Variants in MAN1B1 observed in about 807,000 individuals in gnomAD.
The protein encoded by MAN1B1 is endoplasmic reticulum mannosyl-oligosaccharide 1,2-alpha-mannosidase.
A neutral mutation model predicts 75.5 loss-of-function variants in MAN1B1; 66 were observed. The observed-to-expected ratio is 0.87, with a 90% CI of 0.72 to 1.07. The LOEUF is 1.07. Among genes scored for constraint, MAN1B1 ranks in the 50% least tolerant of loss-of-function variants. The pLI, the probability that MAN1B1 is intolerant of heterozygous loss-of-function variation, is 0.00. For synonymous variants in MAN1B1, 453 were observed against 382.8 expected (o/e 1.18, Z -2.14); for missense variants, 973 against 912.5 (o/e 1.07, Z -0.85).
chr9:137,087,065 G>T lies in MAN1B1; in HGVS notation c.66G>T (p.Pro22=), dbSNP rs1305785450. Residue 22 remains proline (P), a synonymous_variant, in exon 1 of 13, where the codon CCG becomes CCT. Transcript: ENST00000371589. The stretch of plus-strand genomic sequence containing the variant: ...CCTCTCAGTCGGACTTCCTGACGCC[G>T]CCAGTGGGCGGGGCCCCTTGGGCCG... ...LGSSQSDFLT[P]PVGGAPWAVA... is the part of the protein sequence containing the mutation. 6.2e-7 allele frequency: 1 copy of T among 1,603,654 alleles called. No individual in the cohort carries two copies. Among genetic ancestry groups the T allele is most frequent in the South Asian group, 1.1e-5 (1 of 89,192 alleles).
chr9:137,104,178 C>T (rs2131108449), intron 8 of MAN1B1: 1 of 419,514 alleles, frequency 2.4e-6, no homozygotes, highest in South Asian at 1.7e-5. Context: ...GGTTTTTCTT[C>T]CTGGACCTCA....
intron 6 of MAN1B1, among the ~76,000 whole-genome samples, chr9:137,100,671 G>C (rs1830785043): frequency 6.6e-6 from 1 of 152,146 alleles, no homozygotes; most frequent in South Asian, 2.1e-4. Context: ...CCAGGCTGGA[G>C]TGCAGTGGCA....
rs7467333 is a variant in MAN1B1 at position 137,106,584 on chromosome 9, C to T, written c.1446-105C>T. On this transcript the variant is annotated intron_variant, in intron 9 of 12. Transcript: ENST00000371589. ...GGTGGCACCTTCTGTCCGGCAAGGG[C>T]CAGGCCTGCTGTACTTGTGTGGGCC... The T allele has an allele frequency of 4.8e-4, 749 of 1,568,838 alleles. 15 individuals are homozygous for T. The East Asian group carries it at 0.012, about 25-fold the overall frequency.
intron 8 of MAN1B1, chr9:137,105,920 C>G (rs769633168): frequency 2.5e-5 from 17 of 692,416 alleles, no homozygotes; most frequent in Middle Eastern, 2.3e-4. Context: ...CATTCAGGTG[C>G]GTTGCACTGG....
At chr9:137,102,283 A>T (rs1286887128) in intron 8 of MAN1B1, 73 of 403,598 alleles carry the variant, frequency 1.8e-4, no homozygotes, top group Admixed American at 4.6e-4. Context: ...TGTTACACAC[A>T]TTCACTGTTG....
rs995698810 is a variant in MAN1B1, at chr9:137,088,009, T to A, written c.220-66T>A. ...AGAATTCCTTATTGTCCTCACAGTTTGTGACAGTTGAGACGTTCCGTGTGA... is the reference window on the plus strand; with the variant it reads ...AGAATTCCTTATTGTCCTCACAGTTAGTGACAGTTGAGACGTTCCGTGTGA... On this transcript the variant is annotated intron_variant, in intron 1 of 12. Transcript: ENST00000371589. 7.5e-6 allele frequency: 9 copies of A among 1,204,090 alleles called. No homozygotes were observed. The African/African-American group carries it at 1.3e-4, about 18-fold the overall frequency. The allele number at this position is 1,204,090 out of a possible 1,614,324, so 74.6% of individuals were successfully genotyped here.
At chr9:137,101,374 C>A in intron 7 of MAN1B1, 110 bp from the exon 8 acceptor site, 1 of 1,175,204 alleles carries the variant, frequency 8.5e-7, no homozygotes, top group Non-Finnish European at 1.3e-6. Flanking sequence ...TTCCTTGCTG[C>A]TGTGTTGACC....
chr9:137,093,246 T>C (rs1300527796), intron 3 of MAN1B1, among the ~76,000 whole-genome samples: 1 of 151,768 alleles, frequency 6.6e-6, no homozygotes, highest in African/African-American at 2.4e-5. Context: ...ATACACAAAT[T>C]AGCCAGGCGT....
intron 8 of MAN1B1, chr9:137,104,092 T>C: frequency 2.2e-6 from 1 of 457,028 alleles, no homozygotes; most frequent in Non-Finnish European, 4.4e-6. Context: ...AGAGCCCTTT[T>C]CATCTTAAAA....
intron 1 of MAN1B1, chr9:137,087,676 C>T: frequency 2.5e-6 from 1 of 403,408 alleles, no homozygotes; most frequent in Non-Finnish European, 4.7e-6. Context: ...TGGGCGGTGC[C>T]TGGGCTACAT....
intron 9 of MAN1B1, 58 bp from the exon 10 acceptor site, chr9:137,106,631 G>GC: frequency 6.2e-7 from 1 of 1,611,076 alleles, no homozygotes; most frequent in African/African-American, 1.3e-5. Flanking sequence ...TGTCCCTGGT[G>GC]CCCCACGGGA....
intron 8 of MAN1B1, chr9:137,102,023 G>A (rs1034355171): frequency 2.1e-6 from 1 of 484,918 alleles, no homozygotes. Flanking sequence ...TCATGCTGTT[G>A]CAGGCGTGCA....
Position 137,109,097 on chromosome 9 carries a change from G to A in MAN1B1, c.*506G>A, listed in dbSNP as rs779648468. 3.3e-5 allele frequency: 15 copies of A among 455,430 alleles called. 1 individual carries two copies. The highest frequency in any genetic ancestry group is 2.3e-4 in the South Asian group (15 of 64,498). The allele number at this position is 455,430 out of a possible 1,614,324, so 28.2% of individuals were successfully genotyped here. On this transcript the variant is annotated 3_prime_UTR_variant, in exon 13 of 13. Transcript: ENST00000371589. ...TCCTGGCCGCCCCGCAGGGGGCTTG[G>A]AGGGCTGGACGGCAAGTCCGTCTAG...
At position 137,101,567 on chromosome 9, in the gene MAN1B1, T is replaced by C. The variant is rs1281912977; in HGVS notation, c.1149T>C (p.Val383=). Residue 383 remains valine, a synonymous_variant, in exon 8 of 13, where the codon GTT becomes GTC. Transcript: ENST00000371589. ...PYSDVNIGTG[V]AHPPRWTSDS... ...CGGATGTGAACATCGGTACTGGAGT[T>C]GCCCACCCGCCACGGTGGACCTCCG... 2 of 1,613,822 alleles carry C rather than the reference T, an allele frequency of 1.2e-6. No homozygotes were observed. The highest frequency in any genetic ancestry group is 1.7e-6 in the Non-Finnish European group (2 of 1,180,040).
chr9:137,106,155 C>T lies in MAN1B1; in HGVS notation c.1285C>T (p.His429Tyr), dbSNP rs769255216. ...AGTGGAGAAGGTGACACAGCACATC[C>T]ACGGCCTGTCTGGGAAGAAGGATGG... is the stretch of plus-strand genomic sequence containing the variant. ...EAVEKVTQHI[H>Y]GLSGKKDGLV... is the part of the protein sequence containing the mutation. The change falls in exon 9 of 13, where the codon CAC (histidine) becomes TAC (tyrosine). Residue 429 changes from histidine to tyrosine, a missense_variant. Physicochemically the swap from His to Tyr is moderately conservative, Grantham distance 83 (BLOSUM62 2). Coordinates refer to ENST00000371589, the MANE Select transcript of MAN1B1 (RefSeq NM_016219.5). 1.2e-5 allele frequency: 20 copies of T among 1,612,902 alleles called. No homozygotes were observed. The highest frequency in any genetic ancestry group is 1.6e-5 in the Non-Finnish European group (19 of 1,179,958).
At position 137,089,016 on chromosome 9, in the gene MAN1B1, C is replaced by A. The variant is rs770092466; in HGVS notation, c.465+11C>A. The A allele has an allele frequency of 6.2e-7, 1 of 1,613,770 alleles. No homozygotes were observed. On this transcript the variant is annotated intron_variant, in intron 3 of 12. Coordinates refer to ENST00000371589, the MANE Select transcript of MAN1B1 (RefSeq NM_016219.5). ...GAGATTTCGTCACAGGTACTTTGAG[C>A]AAATGGTGTGGGGTTATAACTGGGG...
At position 137,091,852 on chromosome 9, in the gene MAN1B1, C is replaced by G. The variant is rs777349292; in HGVS notation, c.465+2847C>G. ...TAAAATTATTTAATAGAGATGAGGT[C>G]TCACTATGTTGCCCAGACTGGTCTC... is the stretch of plus-strand genomic sequence containing the variant. On this transcript the variant is annotated intron_variant, in intron 3 of 12. Transcript: ENST00000371589. 1.3e-3 allele frequency among the ~76,000 whole-genome samples: 204 copies of G among 152,198 alleles called. 1 individual carries two copies. The highest frequency in any genetic ancestry group is 2.1e-3 in the Non-Finnish European group (141 of 68,006).
Position 137,106,814 on chromosome 9 carries a change from G to C in MAN1B1, c.1566+5G>C, listed in dbSNP as rs757746214. On this transcript the variant is annotated splice_donor_5th_base_variant and intron_variant, in intron 10 of 12. Coordinates refer to ENST00000371589, the MANE Select transcript of MAN1B1 (RefSeq NM_016219.5). The stretch of plus-strand genomic sequence containing the variant: ...GGCCGCTTCAGTGCCAAGATGGTGA[G>C]TGTGTCTGCGGGGCCTTCCGGCCGC... 6.2e-7 allele frequency: 1 copy of C among 1,613,042 alleles called. No individual in the cohort carries two copies. The highest frequency in any genetic ancestry group is 1.3e-5 in the African/African-American group (1 of 75,068).
intron 5 of MAN1B1, among the ~76,000 whole-genome samples, chr9:137,099,249 G>A (rs375726011): frequency 4.6e-5 from 7 of 152,286 alleles, no homozygotes; most frequent in African/African-American, 1.4e-4. Flanking sequence ...TGTTCATCGC[G>A]AGGTCTGCAC....
Sources: allele counts gnomAD v4.1 joint callset (sites outside exome capture counted in the v4.1 genomes callset), GRCh38; gene constraint gnomAD v4.1.1; transcripts MANE v1.5; gene names NCBI Gene and HGNC (gene_info 2026-07-23, HGNC 2026-07-21).